The following RCAN2 variants were observed in gnomAD, a reference collection of about 807,000 sequenced individuals.
RCAN2 encodes the protein regulator of calcineurin 2, also known as calcipressin-2.
RCAN2 carries 9 observed loss-of-function variants against 23.6 expected under a neutral mutation model. The ratio of observed to expected loss-of-function variants is 0.38; its 90% CI spans 0.23 to 0.67. The LOEUF (loss-of-function observed/expected upper bound fraction) is 0.67. Ranked by LOEUF, RCAN2 falls within the 30% of genes least tolerant of loss-of-function variation. The pLI is 0.51. For synonymous variants in RCAN2, 109 were observed against 115.7 expected (o/e 0.94, Z 0.37); for missense variants, 273 against 302.3 (o/e 0.90, Z 0.72).
At chr6:46,390,204 A>G (rs1765890870) in intron 2 of RCAN2, among the ~76,000 whole-genome samples, 1 of 152,198 alleles carries the variant, frequency 6.6e-6, no homozygotes, top group African/African-American at 2.4e-5. Context: ...TTCATGAAGC[A>G]GAAGAATCTT....
At chr6:46,457,635 TGTGAGAGTACA>T (rs1339367848) in intron 1 of RCAN2, among the ~76,000 whole-genome samples, 1 of 152,290 alleles carries the variant, frequency 6.6e-6, no homozygotes, top group Non-Finnish European at 1.5e-5. Flanking sequence ...TAGTTCATCC[TGTGAGAGTACA>T]GTGAGAGTAA....
chr6:46,250,482 T>G (rs1382334883), intron 2 of RCAN2, among the ~76,000 whole-genome samples: 1 of 152,194 alleles, frequency 6.6e-6, no homozygotes, highest in Non-Finnish European at 1.5e-5. Context: ...ATATTAATAC[T>G]GCAAGATTCA....
intron 2 of RCAN2, among the ~76,000 whole-genome samples, chr6:46,330,033 T>C (rs143935626): frequency 9.8e-5 from 15 of 152,330 alleles, no homozygotes; most frequent in Admixed American, 6.5e-4. Flanking sequence ...GCTCCTTCTG[T>C]ATGGCCTTCT....
intron 1 of RCAN2, among the ~76,000 whole-genome samples, chr6:46,469,658 T>C (rs1419713791): frequency 6.6e-6 from 1 of 152,188 alleles, no homozygotes; most frequent in African/African-American, 2.4e-5. Flanking sequence ...GAAGAGGATG[T>C]ATACCATCCT....
chr6:46,320,035 A>G (rs546011409), intron 2 of RCAN2, among the ~76,000 whole-genome samples: 6 of 152,212 alleles, frequency 3.9e-5, no homozygotes, highest in Non-Finnish European at 8.8e-5. Flanking sequence ...AACGTTAATT[A>G]CCATGAATAC....
chr6:46,364,574 A>T (rs536841402), intron 2 of RCAN2, among the ~76,000 whole-genome samples: 1 of 152,292 alleles, frequency 6.6e-6, no homozygotes, highest in African/African-American at 2.4e-5. Flanking sequence ...GCTTAGCCTC[A>T]CACAGCTTGG....
At chr6:46,302,808 C>T (rs1582083786) in intron 2 of RCAN2, among the ~76,000 whole-genome samples, 1 of 152,018 alleles carries the variant, frequency 6.6e-6, no homozygotes, top group Admixed American at 6.6e-5. Flanking sequence ...GATTTTATCT[C>T]ATTTAGTGCT....
At chr6:46,227,665 C>A (rs1019378225) in intron 4 of RCAN2, among the ~76,000 whole-genome samples, 5 of 139,140 alleles carry the variant, frequency 3.6e-5, no homozygotes, top group African/African-American at 5.0e-5. Context: ...CTATTTGATT[C>A]TTCTCTCTTT....
At chr6:46,253,124 T>C (rs1224138434) in intron 2 of RCAN2, among the ~76,000 whole-genome samples, 1 of 152,232 alleles carries the variant, frequency 6.6e-6, no homozygotes, top group Non-Finnish European at 1.5e-5. Context: ...CAATACAGTG[T>C]TAAAAATCAC....
intron 2 of RCAN2, among the ~76,000 whole-genome samples, chr6:46,392,152 T>C (rs1356901396): frequency 6.6e-6 from 1 of 152,176 alleles, no homozygotes; most frequent in Non-Finnish European, 1.5e-5. Flanking sequence ...GCTATTAAAT[T>C]CAGAGAGGAA....
intron 1 of RCAN2, among the ~76,000 whole-genome samples, chr6:46,486,121 AC>A (rs918162264): frequency 5.2e-4 from 79 of 152,016 alleles, no homozygotes; most frequent in African/African-American, 1.9e-3. Context: ...ATAGTACATC[AC>A]CCTCACACCT....
intron 2 of RCAN2, among the ~76,000 whole-genome samples, chr6:46,310,020 T>C (rs956146615): frequency 1.3e-5 from 2 of 152,120 alleles, no homozygotes; most frequent in Non-Finnish European, 2.9e-5. Flanking sequence ...ACCTTTGTCA[T>C]GGTGCTTATA....
intron 2 of RCAN2, among the ~76,000 whole-genome samples, chr6:46,394,159 C>T (rs1766018076): frequency 6.6e-6 from 1 of 152,224 alleles, no homozygotes; most frequent in African/African-American, 2.4e-5. Flanking sequence ...GCTAATGCTT[C>T]TCTCCTTTAG....
chr6:46,298,928 T>C (rs753363047), intron 2 of RCAN2, among the ~76,000 whole-genome samples: 12 of 152,034 alleles, frequency 7.9e-5, no homozygotes, highest in Non-Finnish European at 1.5e-4. Context: ...TATGCAGCCA[T>C]AAAAAAGAAT....
chr6:46,352,535 T>C (rs1764693983), intron 2 of RCAN2, among the ~76,000 whole-genome samples: 1 of 152,172 alleles, frequency 6.6e-6, no homozygotes, highest in African/African-American at 2.4e-5. Flanking sequence ...TCACAGTCAC[T>C]TCCAGGTCAC....
intron 2 of RCAN2, among the ~76,000 whole-genome samples, chr6:46,263,505 GTGTGTGTATGTGTGTA>G (rs1423834242): frequency 9.0e-6 from 1 of 110,738 alleles, no homozygotes; most frequent in Non-Finnish European, 2.0e-5. Context: ...ATGTGTGTAT[GTGTGTGTATGTGTGTA>G]TGTGTGTGTG....
intron 4 of RCAN2, among the ~76,000 whole-genome samples, chr6:46,237,632 T>G (rs1004468275): frequency 2.0e-5 from 3 of 152,204 alleles, no homozygotes; most frequent in Admixed American, 1.3e-4. Flanking sequence ...TACAGGTTGT[T>G]GTGTATCGCT....
chr6:46,251,174 T>C (rs981320574), intron 2 of RCAN2, among the ~76,000 whole-genome samples: 19 of 152,214 alleles, frequency 1.2e-4, no homozygotes, highest in African/African-American at 4.1e-4. Context: ...AGCAGGCTTT[T>C]TGTCTCCCTT....
intron 4 of RCAN2, 54 bp from the exon 5 acceptor site, chr6:46,223,355 C>T: frequency 6.4e-7 from 1 of 1,552,252 alleles, no homozygotes; most frequent in Non-Finnish European, 8.9e-7. Context: ...CAAAAGAGAT[C>T]CTGGAGCAGG....
Sources: allele counts gnomAD v4.1 joint callset (sites outside exome capture counted in the v4.1 genomes callset), GRCh38; gene constraint gnomAD v4.1.1; transcripts MANE v1.5; gene names NCBI Gene and HGNC (gene_info 2026-07-23, HGNC 2026-07-21).